Variants in CA10 observed in about 807,000 individuals in gnomAD.
The protein encoded by CA10 is carbonic anhydrase 10 (inactive).
CA10 carries 14 observed loss-of-function variants against 44.2 expected under a neutral mutation model. The observed-to-expected ratio is 0.32, with a 90% CI of 0.21 to 0.50. CA10 has a LOEUF of 0.50. Ranked by LOEUF, CA10 falls within the 20% of genes least tolerant of loss-of-function variation. The pLI is 0.99. For missense variants in CA10, 350 were observed against 409.7 expected, an observed-to-expected ratio of 0.85 and a Z score of 1.26; for synonymous variants, 159 against 141.6, an observed-to-expected ratio of 1.12 and a Z score of -0.87.
At chr17:51,845,694 CTT>C (rs904162097) in intron 3 of CA10, among the ~76,000 whole-genome samples, 15 of 152,282 alleles carry the variant, frequency 9.9e-5, no homozygotes, top group African/African-American at 3.1e-4. Flanking sequence ...CTTTTTATAA[CTT>C]TATTTCCACT....
rs982416159 is a variant in CA10 at position 51,958,672 on chromosome 17, G to GAA, written c.137-27542_137-27541dup. 6.4e-4 allele frequency among the ~76,000 whole-genome samples: 98 copies of GAA among 152,256 alleles called. 1 individual carries two copies. Among genetic ancestry groups the GAA allele is most frequent in the African/African-American group, 2.4e-3 (98 of 41,556 alleles). On this transcript the variant is annotated intron_variant, in intron 2 of 8. Coordinates refer to ENST00000451037, the MANE Select transcript of CA10 (RefSeq NM_020178.5). ...TCTCTAGATAATTTACAGGAAAAGA[G>GAA]AAATATACCTTAGCAAGGCAGGCTA...
intron 4 of CA10, among the ~76,000 whole-genome samples, chr17:51,723,714 C>T (rs956013330): frequency 6.6e-6 from 1 of 152,178 alleles, no homozygotes; most frequent in Non-Finnish European, 1.5e-5. Flanking sequence ...CTTGCTGACC[C>T]TTTTATCTTT....
At chr17:52,145,131 CA>C (rs1468000468) in intron 1 of CA10, among the ~76,000 whole-genome samples, 1 of 152,196 alleles carries the variant, frequency 6.6e-6, no homozygotes, top group African/African-American at 2.4e-5. Context: ...AATCATTCCA[CA>C]AATGTTATTT....
At chr17:51,851,669 C>T (rs929031517) in intron 3 of CA10, among the ~76,000 whole-genome samples, 1 of 152,122 alleles carries the variant, frequency 6.6e-6, no homozygotes, top group Non-Finnish European at 1.5e-5. Context: ...AGGGTTGTAT[C>T]CACTTATCCA....
At chr17:52,029,413 G>A (rs1986397746) in intron 2 of CA10, among the ~76,000 whole-genome samples, 1 of 152,158 alleles carries the variant, frequency 6.6e-6, no homozygotes, top group South Asian at 2.1e-4. Flanking sequence ...GATTTAGATA[G>A]AGCACCATGT....
intron 2 of CA10, among the ~76,000 whole-genome samples, chr17:51,967,169 A>T (rs11868038): frequency 5.9e-5 from 9 of 151,332 alleles, no homozygotes; most frequent in African/African-American, 2.2e-4. Context: ...AATGGCTACT[A>T]TTAAAAAGCC....
chr17:51,664,415 A>G (rs958441077), intron 4 of CA10, among the ~76,000 whole-genome samples: 68 of 152,178 alleles, frequency 4.5e-4, no homozygotes, highest in African/African-American at 1.5e-3. Flanking sequence ...AAATCTTCCA[A>G]TGTGATCTAG....
intron 2 of CA10, among the ~76,000 whole-genome samples, chr17:52,066,052 C>A (rs896188430): frequency 1.3e-5 from 2 of 152,164 alleles, no homozygotes; most frequent in African/African-American, 2.4e-5. Flanking sequence ...GAGGCCTCCC[C>A]AGCCATGCTG....
At position 51,689,082 on chromosome 17, in the gene CA10, T is replaced by C. The variant is rs556135898; in HGVS notation, c.466-35346A>G. Among the ~76,000 whole-genome samples the C allele has an allele frequency of 1.8e-4, 28 of 152,324 alleles. No homozygotes were observed. In the East Asian group the frequency reaches 5.0e-3, roughly 27 times the overall value. On this transcript the variant is annotated intron_variant, in intron 4 of 8. Transcript: ENST00000451037. ...CGTTTCAGCTCCCAATGTGGTGCTC[T>C]CAACCATATCATCCCTCAGAGAAAG...
chr17:51,688,829 A>C (rs1367484189), intron 4 of CA10, among the ~76,000 whole-genome samples: 3 of 152,118 alleles, frequency 2.0e-5, no homozygotes, highest in Non-Finnish European at 4.4e-5. Flanking sequence ...TATCATGTGT[A>C]TTACAATTAG....
At chr17:52,003,342 G>T (rs1985492233) in intron 2 of CA10, among the ~76,000 whole-genome samples, 1 of 151,822 alleles carries the variant, frequency 6.6e-6, no homozygotes, top group Admixed American at 6.6e-5. Context: ...TGTCCTGTGG[G>T]TTCCCATAAT....
rs78702700 is a variant in CA10 at position 52,055,221 on chromosome 17, G to C, written c.136+17098C>G. Among the ~76,000 whole-genome samples the C allele has an allele frequency of 2.4e-3, 364 of 151,962 alleles. 12 individuals are homozygous for C. The East Asian group carries it at 0.035, about 15-fold the overall frequency. On this transcript the variant is annotated intron_variant, in intron 2 of 8. Coordinates refer to ENST00000451037, the MANE Select transcript of CA10 (RefSeq NM_020178.5). ...AACACCTAGGACTATCTTAAGGAAAGAAGGTAATTTTGACACTAGAATTTT... is the reference window on the plus strand; with the variant it reads ...AACACCTAGGACTATCTTAAGGAAACAAGGTAATTTTGACACTAGAATTTT...
At chr17:51,639,580 G>T (rs1912998699) in intron 6 of CA10, among the ~76,000 whole-genome samples, 1 of 152,160 alleles carries the variant, frequency 6.6e-6, no homozygotes, top group Non-Finnish European at 1.5e-5. Context: ...ATCCCTCTTT[G>T]TCCACTCCCT....
chr17:52,137,738 G>A (rs965504221), intron 1 of CA10, among the ~76,000 whole-genome samples: 3 of 152,152 alleles, frequency 2.0e-5, no homozygotes, highest in African/African-American at 2.4e-5. Flanking sequence ...AAATCACGGG[G>A]TGAATAAAGT....
intron 2 of CA10, among the ~76,000 whole-genome samples, chr17:51,940,938 T>C (rs1034003258): frequency 3.9e-5 from 6 of 152,132 alleles, no homozygotes; most frequent in Non-Finnish European, 8.8e-5. Flanking sequence ...AAATTAGCAA[T>C]GATCATCATA....
At chr17:52,081,991 T>C (rs182320353) in intron 1 of CA10, among the ~76,000 whole-genome samples, 10 of 151,566 alleles carry the variant, frequency 6.6e-5, no homozygotes, top group Non-Finnish European at 1.5e-4. Flanking sequence ...AGTCTCCTCA[T>C]GGCTGCAACA....
chr17:51,641,975 T>A (rs1426667137), intron 6 of CA10, among the ~76,000 whole-genome samples: 1 of 152,180 alleles, frequency 6.6e-6, no homozygotes, highest in Admixed American at 6.5e-5. Flanking sequence ...TCCTGATCAA[T>A]ATGGAACTAT....
At chr17:51,752,781 C>T (rs947179461) in intron 3 of CA10, among the ~76,000 whole-genome samples, 2 of 151,926 alleles carry the variant, frequency 1.3e-5, no homozygotes, top group Non-Finnish European at 2.9e-5. Flanking sequence ...ATACAATTAG[C>T]GGGGTGTGGT....
chr17:51,813,401 C>T (rs1907448658), intron 3 of CA10, among the ~76,000 whole-genome samples: 1 of 152,216 alleles, frequency 6.6e-6, no homozygotes, highest in Non-Finnish European at 1.5e-5. Context: ...GCCCCATTCA[C>T]CCAGGCTGCT....
Sources: gnomAD v4.1 joint callset for allele counts (sites outside exome capture counted in the v4.1 genomes callset) on GRCh38, gnomAD v4.1.1 for gene constraint, MANE v1.5 for transcripts, NCBI Gene and HGNC (gene_info 2026-07-23, HGNC 2026-07-21) for gene names.